MZT2A: variants seen among roughly 807,000 people sequenced by gnomAD.
MZT2A encodes mitotic spindle organizing protein 2A, also known as mitotic-spindle organizing protein 2A.
MZT2A carries 8 observed loss-of-function variants against 12.4 expected under a neutral mutation model. The ratio of observed to expected loss-of-function variants is 0.64; its 90% CI spans 0.38 to 1.16. MZT2A has a LOEUF of 1.16. Ranked by LOEUF, MZT2A falls within the 50% of genes most tolerant of loss-of-function variation. The probability of loss-of-function intolerance (pLI) is 0.01; values close to 1 mark genes in which losing one functional copy is unlikely to be tolerated. For missense variants in MZT2A, 181 were observed against 223.6 expected, an observed-to-expected ratio of 0.81 and a Z score of 1.22; for synonymous variants, 88 against 107.5, an observed-to-expected ratio of 0.82 and a Z score of 1.12.
intron 2 of MZT2A, among the ~76,000 whole-genome samples, chr2:131,472,682 A>T (rs1000417197): frequency 6.6e-6 from 1 of 152,220 alleles, no homozygotes; most frequent in Non-Finnish European, 1.5e-5. Context: ...AATATGCTAT[A>T]CCATGTGGTC....
chr2:131,492,714 C>A (rs1679393147), upstream of MZT2A: 3 of 1,244,148 alleles, frequency 2.4e-6, no homozygotes, highest in East Asian at 5.6e-5. Context: ...GGCGCTCAGT[C>A]AATACCTGTT....
intron 3 of MZT2A, among the ~76,000 whole-genome samples, chr2:131,471,075 T>G (rs1704972891): frequency 1.4e-5 from 2 of 138,610 alleles, no homozygotes; most frequent in Non-Finnish European, 3.0e-5. Context: ...GTTTAGTCAC[T>G]GTCACACTTG....
At chr2:131,472,375 T>C (rs1325624510) in intron 2 of MZT2A, among the ~76,000 whole-genome samples, 3 of 152,234 alleles carry the variant, frequency 2.0e-5, no homozygotes, top group Non-Finnish European at 2.9e-5. Context: ...AAGTCAATTA[T>C]GGAATCATAG....
chr2:131,475,408 C>T (rs1015762128), intron 2 of MZT2A, among the ~76,000 whole-genome samples: 1 of 146,552 alleles, frequency 6.8e-6, no homozygotes, highest in South Asian at 2.2e-4. Flanking sequence ...CGGCTCACTG[C>T]AACAACTGCC....
chr2:131,487,591 A>G (rs964415328), intron 2 of MZT2A, among the ~76,000 whole-genome samples: 5 of 152,244 alleles, frequency 3.3e-5, no homozygotes, highest in Non-Finnish European at 7.3e-5. Context: ...TAAATTATTC[A>G]TAAGATGTTG....
In MZT2A at chr2:131,484,352, T is replaced by A. The variant is rs1369907918; in HGVS notation, c.320-134A>T. On this transcript the variant is annotated intron_variant, in intron 2 of 2. Coordinates refer to ENST00000309451, the MANE Select transcript of MZT2A (RefSeq NM_001085365.2). ...AGTCGCTTCAGCTAGAGGCCCTGCA[T>A]CAGCCCCAAGTCCTGAGACTCAGAA... is the stretch of plus-strand genomic sequence containing the variant. The A allele has an allele frequency of 2.2e-6, 3 of 1,386,922 alleles. No individual in the cohort carries two copies. The Admixed American group carries it at 6.9e-5, about 32-fold the overall frequency. 85.9% of individuals were successfully genotyped at this position (1,386,922 alleles called of 1,614,324 possible).
chr2:131,482,446 C>T (rs1678893292), downstream of MZT2A: 2 of 1,478,384 alleles, frequency 1.4e-6, no homozygotes, highest in Non-Finnish European at 1.8e-6. Context: ...GTGAACTGAG[C>T]ATTCTCCGTG....
chr2:131,490,606 T>C (rs1679252791), intron 2 of MZT2A: 1 of 1,546,630 alleles, frequency 6.5e-7, no homozygotes, highest in Non-Finnish European at 8.7e-7. Flanking sequence ...GTGGCCTGCA[T>C]GATCCTGCCC....
At chr2:131,476,171 A>G in intron 2 of MZT2A, 1 of 1,613,844 alleles carries the variant, frequency 6.2e-7, no homozygotes, top group Non-Finnish European at 8.5e-7. Flanking sequence ...GTCTGGCAGT[A>G]GCGTTGGGCT....
chr2:131,483,131 G>C (rs1418421346), downstream of MZT2A, among the ~76,000 whole-genome samples: 4 of 152,154 alleles, frequency 2.6e-5, no homozygotes, highest in African/African-American at 9.7e-5. Context: ...GGTGTTCAAT[G>C]TATAGATTTC....
At chr2:131,487,326 T>A (rs949953765) in intron 2 of MZT2A, among the ~76,000 whole-genome samples, 7 of 151,794 alleles carry the variant, frequency 4.6e-5, no homozygotes, top group Admixed American at 1.3e-4. Context: ...ACAAAAAATT[T>A]AAAAATTAGC....
intron 2 of MZT2A, chr2:131,491,295 C>G (rs962395344): frequency 9.2e-5 from 28 of 303,530 alleles, no homozygotes; most frequent in Non-Finnish European, 9.5e-5. Flanking sequence ...CCTGGGAGTT[C>G]CGCGTCTAAC....
At chr2:131,479,364 G>A (rs367718176), downstream of MZT2A, 29 of 1,614,028 alleles carry the variant, frequency 1.8e-5, no homozygotes, top group Non-Finnish European at 2.4e-5. Context: ...GCTGATCACC[G>A]GGAAGGAAGA....
intron 2 of MZT2A, chr2:131,491,670 T>G: frequency 1.2e-6 from 1 of 810,758 alleles, no homozygotes; most frequent in East Asian, 2.7e-5. Flanking sequence ...GCACGCACTC[T>G]GCGTCCACCT....
intron 2 of MZT2A, chr2:131,491,318 A>G (rs914755994): frequency 2.8e-5 from 8 of 287,616 alleles, no homozygotes; most frequent in Non-Finnish European, 4.7e-5. Flanking sequence ...TCTTCCTGCA[A>G]TCATCAGAGG....
In MZT2A at chr2:131,478,507, T is replaced by C. The variant is rs866128535; in HGVS notation, c.279-6325A>G. The C allele has an allele frequency of 4.5e-5, 62 of 1,378,176 alleles. No individual in the cohort carries two copies. The South Asian group carries it at 8.4e-4, about 19-fold the overall frequency. The allele number at this position is 1,378,176 out of a possible 1,614,324, so 85.4% of individuals were successfully genotyped here. A position where few individuals can be genotyped will look rare whatever the true frequency, so the allele number is the denominator to read the frequency against. ...GATGGGATAGACAGGCATATGCCCA[T>C]GGCATTGTTAGGAGAGAAACTGAAA... is the stretch of plus-strand genomic sequence containing the variant. On this transcript the variant is annotated intron_variant and NMD_transcript_variant, in intron 2 of 4. Coordinates refer to the MZT2A transcript ENST00000427024.
At chr2:131,471,890 G>A (rs1704994012) in intron 3 of MZT2A, among the ~76,000 whole-genome samples, 1 of 152,222 alleles carries the variant, frequency 6.6e-6, no homozygotes, top group Non-Finnish European at 1.5e-5. Context: ...CATGGGCTGT[G>A]TAGCAACTGG....
downstream of MZT2A, chr2:131,479,447 C>A: frequency 6.2e-7 from 1 of 1,614,062 alleles, no homozygotes; most frequent in African/African-American, 1.3e-5. Context: ...TGGACCGGAT[C>A]CGCAAACTGG....
At chr2:131,483,256 G>C (rs1490629690), downstream of MZT2A, among the ~76,000 whole-genome samples, 1 of 152,172 alleles carries the variant, frequency 6.6e-6, no homozygotes. Context: ...GAGGTCTGTG[G>C]ATGGGGCTTG....
Sources: allele counts gnomAD v4.1 joint callset (sites outside exome capture counted in the v4.1 genomes callset), GRCh38; gene constraint gnomAD v4.1.1; transcripts MANE v1.5; gene names NCBI Gene and HGNC (gene_info 2026-07-23, HGNC 2026-07-21).